Variants in PCDHA3 observed in about 807,000 individuals in gnomAD.
PCDHA3 encodes the protein protocadherin alpha-3.
Under a neutral mutation model 62.2 loss-of-function variants are expected in PCDHA3, and 41 were observed. The ratio of observed to expected loss-of-function variants is 0.66; its 90% CI spans 0.51 to 0.86. The LOEUF (loss-of-function observed/expected upper bound fraction) is 0.86. PCDHA3 is among the 40% of genes least tolerant of loss of function. The probability of loss-of-function intolerance (pLI) is 0.00; values close to 1 mark genes in which losing one functional copy is unlikely to be tolerated. For synonymous variants in PCDHA3, 640 were observed against 555.4 expected (o/e 1.15, Z -2.14); for missense variants, 1,304 against 1,241.2 (o/e 1.05, Z -0.76).
chr5:140,985,504 A>G (rs1368014181), intron 3 of PCDHA3, among the ~76,000 whole-genome samples: 2 of 152,170 alleles, frequency 1.3e-5, no homozygotes, highest in Non-Finnish European at 2.9e-5. Context: ...CCTGCCTTTC[A>G]TTGATTCTGT....
At chr5:140,805,695 C>G (rs1554123442) in intron 1 of PCDHA3, 1 of 651,456 alleles carries the variant, frequency 1.5e-6, no homozygotes, top group African/African-American at 2.0e-5. Flanking sequence ...TCATGATTAC[C>G]AAGAATTAGA....
intron 1 of PCDHA3, chr5:140,829,487 G>A (rs2150168729): frequency 6.2e-7 from 1 of 1,613,742 alleles, no homozygotes; most frequent in East Asian, 2.2e-5. Flanking sequence ...GTTCGTGAAG[G>A]AGAACAACCC....
At chr5:140,834,594 C>T (rs1383001934) in intron 1 of PCDHA3, 10 of 1,613,990 alleles carry the variant, frequency 6.2e-6, no homozygotes, top group African/African-American at 4.0e-5. Flanking sequence ...GTGCAAATTC[C>T]GTGGGGATCT....
At chr5:140,989,373 C>A (rs1189877807) in intron 3 of PCDHA3, among the ~76,000 whole-genome samples, 1 of 152,088 alleles carries the variant, frequency 6.6e-6, no homozygotes, top group Non-Finnish European at 1.5e-5. Context: ...TGACTGAGAG[C>A]TTTGTGGGAA....
At chr5:140,916,603 G>A (rs782815026) in intron 1 of PCDHA3, among the ~76,000 whole-genome samples, 4 of 152,152 alleles carry the variant, frequency 2.6e-5, no homozygotes, top group South Asian at 2.1e-4. Flanking sequence ...CCTGGAATGC[G>A]GGCCTCATGA....
chr5:140,884,457 G>A, intron 1 of PCDHA3: 1 of 1,613,758 alleles, frequency 6.2e-7, no homozygotes, highest in Non-Finnish European at 8.5e-7. Flanking sequence ...CCCACCGAGG[G>A]CGCGTGCGCG....
At chr5:140,963,608 G>A (rs1308315109) in intron 1 of PCDHA3, among the ~76,000 whole-genome samples, 2 of 152,186 alleles carry the variant, frequency 1.3e-5, no homozygotes, top group African/African-American at 2.4e-5. Context: ...ACGTAATTGG[G>A]AAAGCTTAAC....
intron 1 of PCDHA3, chr5:140,876,095 T>G (rs781801828): frequency 6.2e-7 from 1 of 1,613,928 alleles, no homozygotes; most frequent in Admixed American, 1.7e-5. Context: ...ACGCCAAAAC[T>G]CAATTTATTG....
At chr5:140,972,990 G>A (rs185555684) in intron 1 of PCDHA3, among the ~76,000 whole-genome samples, 2 of 152,188 alleles carry the variant, frequency 1.3e-5, no homozygotes, top group African/African-American at 4.8e-5. Context: ...GGTAGATTCT[G>A]TGCATTTGTG....
At chr5:140,815,777 T>C (rs1554126875) in intron 1 of PCDHA3, 1 of 152,220 alleles carries the variant, frequency 6.6e-6, no homozygotes, top group African/African-American at 2.4e-5. Flanking sequence ...CTAATTGTGA[T>C]CACCTTCAGC....
At position 140,808,439 on chromosome 5, in the gene PCDHA3, G is replaced by A. The variant is rs372913069; in HGVS notation, c.2394+4848G>A. On this transcript the variant is annotated intron_variant, in intron 1 of 3. Transcript: ENST00000522353. ...GGACAGTGCCCTGGACCGCGAGAGC[G>A]TGTCAGCCTATGAGCTGGTGGTGAC... The A allele has an allele frequency of 4.3e-6, 7 of 1,614,184 alleles. No individual in the cohort carries two copies. In the African/African-American group the frequency reaches 5.3e-5, roughly 12 times the overall value.
intron 1 of PCDHA3, chr5:140,927,432 C>T: frequency 5.6e-6 from 9 of 1,614,124 alleles, no homozygotes; most frequent in Non-Finnish European, 5.9e-6. Flanking sequence ...TTGACGGCAG[C>T]GAATACCCGG....
Position 141,011,476 on chromosome 5 carries a change from A to G in PCDHA3, c.*1539A>G, listed in dbSNP as rs2098420741. On this transcript the variant is annotated 3_prime_UTR_variant, in exon 4 of 4. Coordinates refer to ENST00000522353, the MANE Select transcript of PCDHA3 (RefSeq NM_018906.3). ...CTTTATTGTTGAATGTAATTCCATT[A>G]TATTTCCTTTTGTACACCTGTGAAA... 1 of 153,776 alleles carries G rather than the reference A, an allele frequency of 6.5e-6. No homozygotes were observed. 9.5% of individuals were successfully genotyped at this position (153,776 alleles called of 1,614,324 possible). A position where few individuals can be genotyped will look rare whatever the true frequency, so the allele number is the denominator to read the frequency against.
chr5:140,988,051 T>C (rs903060920), intron 3 of PCDHA3, among the ~76,000 whole-genome samples: 2 of 152,240 alleles, frequency 1.3e-5, no homozygotes, highest in African/African-American at 2.4e-5. Flanking sequence ...TTAGGAGCAC[T>C]GTCAACATGA....
chr5:140,898,653 G>A (rs1321472129), intron 1 of PCDHA3, among the ~76,000 whole-genome samples: 1 of 152,202 alleles, frequency 6.6e-6, no homozygotes, highest in Non-Finnish European at 1.5e-5. Context: ...TTTTGGCTTA[G>A]GATTGACTTG....
Position 140,979,705 on chromosome 5 carries a change from G to A in PCDHA3, c.2453+698G>A, listed in dbSNP as rs138804576. Among the ~76,000 whole-genome samples, 597 of 152,336 alleles carry A rather than the reference G, an allele frequency of 3.9e-3. 4 individuals carry two copies. The highest frequency in any genetic ancestry group is 0.014 in the African/African-American group (562 of 41,570). On this transcript the variant is annotated intron_variant, in intron 2 of 3. Coordinates refer to ENST00000522353, the MANE Select transcript of PCDHA3 (RefSeq NM_018906.3). ...ATTAACTACCATTATTTCTGGAGGT[G>A]ATCCAGTATCCATGCCATGGGGCCA... is the stretch of plus-strand genomic sequence containing the variant.
Position 140,856,641 on chromosome 5 carries a change from T to G in PCDHA3, c.2394+53050T>G, listed in dbSNP as rs1554148950. On this transcript the variant is annotated intron_variant, in intron 1 of 3. Coordinates refer to ENST00000522353, the MANE Select transcript of PCDHA3 (RefSeq NM_018906.3). ...TTCCCAGTGCTTGTTCTGCGGAAGC[T>G]GCTGGATCGTGAAGAAAATCCTCAG... 4.4e-6 allele frequency: 7 copies of G among 1,598,334 alleles called. 1 individual carries two copies. The highest frequency in any genetic ancestry group is 5.1e-6 in the Non-Finnish European group (6 of 1,167,764).
chr5:140,830,801 T>G (rs2150103350), intron 1 of PCDHA3: 1 of 158,724 alleles, frequency 6.3e-6, no homozygotes, highest in African/African-American at 2.4e-5. Flanking sequence ...TTATATGGGA[T>G]TTTCATTTGT....
At chr5:140,966,626 C>T in intron 1 of PCDHA3, 9 of 925,184 alleles carry the variant, frequency 9.7e-6, no homozygotes, top group South Asian at 9.6e-5. Flanking sequence ...GAGGGAGCGG[C>T]CCCAGGCGCT....
Sources: allele counts gnomAD v4.1 joint callset (sites outside exome capture counted in the v4.1 genomes callset), GRCh38; gene constraint gnomAD v4.1.1; transcripts MANE v1.5; gene names NCBI Gene and HGNC (gene_info 2026-07-23, HGNC 2026-07-21).